The following DISP1 variants were observed in gnomAD, a reference collection of about 807,000 sequenced individuals.
DISP1 encodes the protein protein dispatched homolog 1.
Under a neutral mutation model 37.3 loss-of-function variants are expected in DISP1, and 30 were observed. The ratio of observed to expected loss-of-function variants is 0.80; its 90% CI spans 0.60 to 1.09. DISP1 has a LOEUF of 1.09. DISP1 is among the 50% of genes least tolerant of loss of function. The pLI, the probability that DISP1 is intolerant of heterozygous loss-of-function variation, is 0.00. For synonymous variants in DISP1, 634 were observed against 690.2 expected, an observed-to-expected ratio of 0.92 and a Z score of 1.28; for missense variants, 1,598 against 1,879.5, an observed-to-expected ratio of 0.85 and a Z score of 2.77.
In DISP1 at chr1:222,950,444, C is replaced by G. The variant is rs371027690; in HGVS notation, c.509+7112C>G. Among the ~76,000 whole-genome samples the G allele has an allele frequency of 4.6e-5, 7 of 152,066 alleles. No homozygotes were observed. In the South Asian group the frequency reaches 8.3e-4, roughly 18 times the overall value. ...TGAAACCCCTTCTCTACTAAAAATA[C>G]AAAAAATTAGCTGGGCGTGGTGGTG... On this transcript the variant is annotated intron_variant, in intron 3 of 8. Coordinates refer to ENST00000675850, the MANE Select transcript of DISP1 (RefSeq NM_001377229.1).
chr1:222,820,575 T>C (rs1362283354), intron 1 of DISP1, among the ~76,000 whole-genome samples: 1 of 152,158 alleles, frequency 6.6e-6, no homozygotes, highest in African/African-American at 2.4e-5. Context: ...AGGACATAAA[T>C]GGATATTCTA....
chr1:222,872,306 G>C lies in DISP1; in HGVS notation c.-158-56124G>C, dbSNP rs1337845072. The C allele has an allele frequency of 3.9e-5, 6 of 152,318 alleles. No individual in the cohort carries two copies. The East Asian group carries it at 9.6e-4, about 24-fold the overall frequency. 9.4% of individuals were successfully genotyped at this position (152,318 alleles called of 1,614,324 possible). On this transcript the variant is annotated intron_variant, in intron 1 of 8. Transcript: ENST00000675850. ...CAGGATGATGCTGGCCTCATAAAATGAGTTAAGGAGGATTCCCTCTTTTTC... is the reference window on the plus strand; with the variant it reads ...CAGGATGATGCTGGCCTCATAAAATCAGTTAAGGAGGATTCCCTCTTTTTC...
intron 1 of DISP1, among the ~76,000 whole-genome samples, chr1:222,838,531 G>T (rs1667388628): frequency 6.6e-6 from 1 of 151,988 alleles, no homozygotes; most frequent in African/African-American, 2.4e-5. Context: ...TACTTTGGGA[G>T]CCCCAGGTAG....
chr1:222,959,639 G>T (rs1036403726), intron 3 of DISP1, among the ~76,000 whole-genome samples: 9 of 148,758 alleles, frequency 6.1e-5, no homozygotes, highest in Non-Finnish European at 1.3e-4. Context: ...GAGGTAGGTT[G>T]CAGTGAACCG....
In DISP1 at chr1:222,993,635, C is replaced by T. The variant is rs375349008; in HGVS notation, c.890-1250C>T. Among the ~76,000 whole-genome samples, 45 of 152,268 alleles carry T rather than the reference C, an allele frequency of 3.0e-4. No individual in the cohort carries two copies. In the Middle Eastern group the frequency reaches 0.01, roughly 35 times the overall value. ...ATACATGTTTCCTTTTCTGTCTCTTCTCTTAAAAAACATTAGGAAATTGAA... is the reference window on the plus strand; with the variant it reads ...ATACATGTTTCCTTTTCTGTCTCTTTTCTTAAAAAACATTAGGAAATTGAA... On this transcript the variant is annotated intron_variant, in intron 7 of 8. Transcript: ENST00000675850.
At chr1:222,952,543 T>C (rs560835358) in intron 3 of DISP1, among the ~76,000 whole-genome samples, 23 of 152,238 alleles carry the variant, frequency 1.5e-4, no homozygotes, top group African/African-American at 5.5e-4. Flanking sequence ...ATGACAAAAA[T>C]AAAATCCCTT....
intron 1 of DISP1, among the ~76,000 whole-genome samples, chr1:222,819,538 C>CTTTTTT (rs762729584): frequency 8.5e-6 from 1 of 118,296 alleles, no homozygotes; most frequent in African/African-American, 3.1e-5. Context: ...ACACACATAT[C>CTTTTTT]TTTTTTTTTT....
chr1:222,940,746 C>T (rs1674320591), intron 2 of DISP1, among the ~76,000 whole-genome samples: 1 of 152,164 alleles, frequency 6.6e-6, no homozygotes, highest in South Asian at 2.1e-4. Context: ...TTGACTTTCC[C>T]ATTTAGCCCA....
At chr1:222,850,527 T>C (rs1197128933) in intron 1 of DISP1, among the ~76,000 whole-genome samples, 1 of 152,142 alleles carries the variant, frequency 6.6e-6, no homozygotes, top group Non-Finnish European at 1.5e-5. Context: ...TTGTACATAT[T>C]ATTTCATCAC....
At chr1:222,878,574 C>A (rs1403614908) in intron 1 of DISP1, among the ~76,000 whole-genome samples, 5 of 152,248 alleles carry the variant, frequency 3.3e-5, no homozygotes, top group African/African-American at 1.2e-4. Context: ...GGTTTATTAT[C>A]TCCAAGGCCC....
At chr1:222,824,830 A>G (rs1382454619) in intron 1 of DISP1, among the ~76,000 whole-genome samples, 1 of 152,198 alleles carries the variant, frequency 6.6e-6, no homozygotes, top group East Asian at 1.9e-4. Flanking sequence ...GGGCAGGGCT[A>G]GAATCCAAGC....
intron 1 of DISP1, among the ~76,000 whole-genome samples, chr1:222,872,971 G>T (rs1669676536): frequency 6.6e-6 from 1 of 152,092 alleles, no homozygotes; most frequent in South Asian, 2.1e-4. Flanking sequence ...CTGGTATGTT[G>T]TGTCTTTGTT....
chr1:223,000,570 A>G (rs1679361342), intron 8 of DISP1, among the ~76,000 whole-genome samples: 2 of 152,202 alleles, frequency 1.3e-5, no homozygotes. Context: ...AAAACAAACA[A>G]CTTTTTATTA....
At chr1:222,882,664 TTAGG>T (rs1670344906) in intron 1 of DISP1, among the ~76,000 whole-genome samples, 1 of 152,174 alleles carries the variant, frequency 6.6e-6, no homozygotes, top group Admixed American at 6.5e-5. Context: ...TGTTTTACTT[TTAGG>T]TCATTTCCCA....
chr1:222,851,404 T>C (rs1668225323), intron 1 of DISP1, among the ~76,000 whole-genome samples: 1 of 152,134 alleles, frequency 6.6e-6, no homozygotes, highest in African/African-American at 2.4e-5. Context: ...CATAGTTCTT[T>C]ATAGGGTTTC....
intron 2 of DISP1, among the ~76,000 whole-genome samples, chr1:222,936,328 C>T (rs561966226): frequency 7.9e-5 from 12 of 152,090 alleles, no homozygotes; most frequent in African/African-American, 2.9e-4. Context: ...GTGATTGTCT[C>T]TTGACAAATG....
At chr1:222,970,138 G>T (rs1017939254) in intron 3 of DISP1, among the ~76,000 whole-genome samples, 2 of 152,052 alleles carry the variant, frequency 1.3e-5, no homozygotes, top group African/African-American at 4.8e-5. Context: ...AAACTCACTC[G>T]GTTGGTAAAC....
At chr1:222,946,155 C>T (rs1034709594) in intron 3 of DISP1, among the ~76,000 whole-genome samples, 2 of 149,164 alleles carry the variant, frequency 1.3e-5, no homozygotes, top group African/African-American at 2.5e-5. Flanking sequence ...AGGCAGATCG[C>T]GAGGTCAGGA....
chr1:222,914,300 G>A (rs1672372438), intron 1 of DISP1, among the ~76,000 whole-genome samples: 1 of 152,064 alleles, frequency 6.6e-6, no homozygotes, highest in Admixed American at 6.6e-5. Context: ...TTACACCAAA[G>A]GGATATTCAT....
Sources: gnomAD v4.1 joint callset for allele counts (sites outside exome capture counted in the v4.1 genomes callset) on GRCh38, gnomAD v4.1.1 for gene constraint, MANE v1.5 for transcripts, NCBI Gene and HGNC (gene_info 2026-07-23, HGNC 2026-07-21) for gene names.